Variants in CDK8 observed in about 807,000 individuals in gnomAD.
The protein encoded by CDK8 is cyclin dependent kinase 8.
In CDK8, 29 loss-of-function variants were observed where a neutral mutation model predicts 71.5. The observed-to-expected ratio is 0.41, with a 90% confidence interval of 0.30 to 0.55. The LOEUF (loss-of-function observed/expected upper bound fraction) is 0.55. Among genes scored for constraint, CDK8 ranks in the 20% least tolerant of loss-of-function variants. CDK8 has a pLI of 0.37. For missense variants in CDK8, 288 were observed against 572.6 expected (o/e 0.50, Z 5.07); for synonymous variants, 161 against 192.1 (o/e 0.84, Z 1.34).
intron 1 of CDK8, among the ~76,000 whole-genome samples, chr13:26,261,439 G>T (rs1456773531): frequency 6.6e-6 from 1 of 152,056 alleles, no homozygotes; most frequent in Non-Finnish European, 1.5e-5. Context: ...ACCCCAAAAA[G>T]AAACCCATTA....
chr13:26,268,256 A>ACACAC (rs1872125882), intron 1 of CDK8, among the ~76,000 whole-genome samples: 8 of 116,764 alleles, frequency 6.9e-5, no homozygotes, highest in South Asian at 3.4e-4. Flanking sequence ...CCCCTCCCCC[A>ACACAC]ACACACACAC....
intron 9 of CDK8, 108 bp downstream of exon 9, chr13:26,397,333 G>A (rs1876044111): frequency 4.6e-6 from 3 of 654,138 alleles, no homozygotes; most frequent in African/African-American, 1.8e-5. Context: ...AGCACTCAGA[G>A]TGCTTTCATG....
At chr13:26,315,320 T>A (rs773775291) in intron 1 of CDK8, among the ~76,000 whole-genome samples, 7 of 152,184 alleles carry the variant, frequency 4.6e-5, no homozygotes, top group Non-Finnish European at 8.8e-5. Context: ...GTTCATAGAA[T>A]ATATAACAAC....
chr13:26,279,037 A>G (rs953403324), intron 1 of CDK8, among the ~76,000 whole-genome samples: 1 of 152,052 alleles, frequency 6.6e-6, no homozygotes, highest in Admixed American at 6.6e-5. Flanking sequence ...GCATTTTGGT[A>G]TCTGCTGGGA....
chr13:26,364,691 A>G (rs1243628064), intron 4 of CDK8, among the ~76,000 whole-genome samples: 2 of 152,222 alleles, frequency 1.3e-5, no homozygotes, highest in African/African-American at 4.8e-5. Context: ...ATGTGTTATT[A>G]AAGCTCACAT....
At chr13:26,321,124 A>T (rs1463163589) in intron 1 of CDK8, among the ~76,000 whole-genome samples, 2 of 152,182 alleles carry the variant, frequency 1.3e-5, no homozygotes, top group Non-Finnish European at 2.9e-5. Flanking sequence ...ATTATTCACA[A>T]TAGCTAAAAC....
At chr13:26,291,497 A>T (rs1277441985) in intron 1 of CDK8, among the ~76,000 whole-genome samples, 1 of 152,176 alleles carries the variant, frequency 6.6e-6, no homozygotes, top group Non-Finnish European at 1.5e-5. Flanking sequence ...CAGAATTTTT[A>T]AAAATCAATA....
chr13:26,328,648 A>G (rs980934955), intron 1 of CDK8, among the ~76,000 whole-genome samples: 2 of 152,112 alleles, frequency 1.3e-5, no homozygotes, highest in Non-Finnish European at 2.9e-5. Flanking sequence ...ACCCATCCCC[A>G]CTGGAAGCTT....
chr13:26,361,784 C>CTTTTTTTTTTTTTT lies in CDK8; in HGVS notation c.456+7920_456+7933dup, dbSNP rs553508554. Among the ~76,000 whole-genome samples, 22 of 63,344 alleles carry CTTTTTTTTTTTTTT rather than the reference C, an allele frequency of 3.5e-4. 2 individuals carry two copies. The highest frequency in any genetic ancestry group is 1.1e-3 in the African/African-American group (15 of 14,234). 41.6% of individuals were successfully genotyped at this position (63,344 alleles called of 152,430 possible). On this transcript the variant is annotated intron_variant, in intron 4 of 12. Transcript: ENST00000381527. ...TCTTTTTGTCTTTCTTTTCTTTTCC[C>CTTTTTTTTTTTTTT]TTTTTTTTTTTTTTTTTTTTTTTTT...
At chr13:26,269,705 T>C (rs1872208102) in intron 1 of CDK8, among the ~76,000 whole-genome samples, 1 of 152,222 alleles carries the variant, frequency 6.6e-6, no homozygotes, top group African/African-American at 2.4e-5. Context: ...TCTGTATTTC[T>C]ATTGCACTTT....
At chr13:26,322,523 G>A (rs1002318843) in intron 1 of CDK8, among the ~76,000 whole-genome samples, 10 of 152,124 alleles carry the variant, frequency 6.6e-5, no homozygotes, top group Non-Finnish European at 1.3e-4. Context: ...GTGGGGTGGT[G>A]AGTGGGAGGA....
chr13:26,284,150 A>G (rs977294291), intron 1 of CDK8, among the ~76,000 whole-genome samples: 4 of 152,200 alleles, frequency 2.6e-5, no homozygotes, highest in Non-Finnish European at 5.9e-5. Flanking sequence ...TGGTGCTGAG[A>G]AGAAAGGTCA....
intron 4 of CDK8, among the ~76,000 whole-genome samples, chr13:26,378,424 A>G (rs1875058561): frequency 6.6e-6 from 1 of 152,208 alleles, no homozygotes; most frequent in Admixed American, 6.5e-5. Context: ...GTTTTTTGGG[A>G]GTGCAGCAGC....
chr13:26,342,483 AT>A (rs975062975), intron 2 of CDK8, among the ~76,000 whole-genome samples: 44 of 152,156 alleles, frequency 2.9e-4, no homozygotes, highest in African/African-American at 1.1e-3. Context: ...AAGTTATTTG[AT>A]TTCTTTGTGT....
intron 6 of CDK8, among the ~76,000 whole-genome samples, chr13:26,387,657 T>C (rs1460605417): frequency 2.6e-5 from 4 of 152,110 alleles, no homozygotes; most frequent in Admixed American, 2.6e-4. Flanking sequence ...TTCGCAGCAT[T>C]GTAGGGGAAA....
chr13:26,336,907 C>G (rs1488948993), intron 1 of CDK8, among the ~76,000 whole-genome samples: 2 of 152,164 alleles, frequency 1.3e-5, no homozygotes, highest in South Asian at 4.1e-4. Flanking sequence ...GTAACCTTTT[C>G]TGTTGCACTT....
At chr13:26,339,910 T>G (rs1252647017) in intron 2 of CDK8, among the ~76,000 whole-genome samples, 1 of 151,580 alleles carries the variant, frequency 6.6e-6, no homozygotes, top group Admixed American at 6.6e-5. Flanking sequence ...TTTATTTCCT[T>G]TTTTTCTTTA....
intron 1 of CDK8, among the ~76,000 whole-genome samples, chr13:26,262,003 C>T (rs959128729): frequency 7.2e-5 from 11 of 152,236 alleles, no homozygotes; most frequent in African/African-American, 2.7e-4. Context: ...TACAGCTGCT[C>T]TCCTCCATCA....
intron 1 of CDK8, among the ~76,000 whole-genome samples, chr13:26,312,170 A>G (rs929517620): frequency 3.9e-5 from 6 of 152,066 alleles, no homozygotes; most frequent in Admixed American, 3.3e-4. Flanking sequence ...AAACGCAACA[A>G]TCAGCGCTCT....
Sources: gnomAD v4.1 joint callset for allele counts (sites outside exome capture counted in the v4.1 genomes callset) on GRCh38, gnomAD v4.1.1 for gene constraint, MANE v1.5 for transcripts, NCBI Gene and HGNC (gene_info 2026-07-23, HGNC 2026-07-21) for gene names.